The following ERBB4 variants were observed in gnomAD, a reference collection of about 807,000 sequenced individuals.
ERBB4 encodes the protein receptor tyrosine-protein kinase erbB-4.
A neutral mutation model predicts 158.0 loss-of-function variants in ERBB4; 42 were observed. The observed-to-expected ratio is 0.27, with a 90% confidence interval of 0.21 to 0.34. The LOEUF is 0.34. Ranked by LOEUF, ERBB4 falls within the 10% of genes least tolerant of loss-of-function variation. The pLI, the probability that ERBB4 is intolerant of heterozygous loss-of-function variation, is 1.00. For synonymous variants in ERBB4, 583 were observed against 558.7 expected, an observed-to-expected ratio of 1.04 and a Z score of -0.61; for missense variants, 1,333 against 1,624.1, an observed-to-expected ratio of 0.82 and a Z score of 3.08.
chr2:211,783,029 T>TGC (rs1363504943), intron 4 of ERBB4, among the ~76,000 whole-genome samples: 1 of 152,194 alleles, frequency 6.6e-6, no homozygotes, highest in Non-Finnish European at 1.5e-5. Flanking sequence ...TCCATTTGTG[T>TGC]CCTATTTTAT....
At chr2:212,498,731 CAT>C (rs1273417704) in intron 1 of ERBB4, among the ~76,000 whole-genome samples, 8 of 152,058 alleles carry the variant, frequency 5.3e-5, no homozygotes, top group African/African-American at 1.9e-4. Context: ...AGAAATGACT[CAT>C]AATCTTTACT....
chr2:212,475,715 TG>T (rs1248221861), intron 1 of ERBB4, among the ~76,000 whole-genome samples: 1 of 152,164 alleles, frequency 6.6e-6, no homozygotes, highest in Non-Finnish European at 1.5e-5. Context: ...AATAACATGA[TG>T]AAAAAATAAT....
intron 1 of ERBB4, among the ~76,000 whole-genome samples, chr2:212,307,938 G>A (rs552069268): frequency 1.2e-4 from 18 of 150,648 alleles, no homozygotes; most frequent in African/African-American, 3.2e-4. Context: ...CATGTTTAAC[G>A]GAATACTAGA....
rs564534962 is a variant in ERBB4, at chr2:211,634,248, C to T, written c.1947-3654G>A. On this transcript the variant is annotated intron_variant, in intron 16 of 27. Transcript: ENST00000342788. ...TTGTTCTCTTTTTCTTGAATGTTTA[C>T]TTTGCTTTTTTTTCAATTAAGATTT... is the stretch of plus-strand genomic sequence containing the variant. 1.4e-4 allele frequency among the ~76,000 whole-genome samples: 22 copies of T among 151,956 alleles called. No homozygotes were observed. In the South Asian group the frequency reaches 4.2e-3, roughly 29 times the overall value.
rs58905892 is a variant in ERBB4, at chr2:211,722,245, C to A, written c.883+148G>T. On this transcript the variant is annotated intron_variant, in intron 7 of 27. Transcript: ENST00000342788. Reference sequence around the variant, plus strand: ...TCACTTTAAAGTTTTGGTTTAGTTTCTTTATTTATAAAATGGGGGCAATAG... The same window carrying A: ...TCACTTTAAAGTTTTGGTTTAGTTTATTTATTTATAAAATGGGGGCAATAG... 38,988 of 664,346 alleles carry A rather than the reference C, an allele frequency of 0.059. 2,303 individuals are homozygous for A. Among genetic ancestry groups the A allele is most frequent in the African/African-American group, 0.25 (13,521 of 55,142 alleles). 41.2% of individuals were successfully genotyped at this position (664,346 alleles called of 1,614,324 possible).
chr2:211,972,589 G>GA (rs2081485413), intron 2 of ERBB4, among the ~76,000 whole-genome samples: 1 of 151,968 alleles, frequency 6.6e-6, no homozygotes, highest in Non-Finnish European at 1.5e-5. Flanking sequence ...AGAGAACCCA[G>GA]AAAAAAGACC....
chr2:211,536,547 G>A (rs1380165808), intron 20 of ERBB4, among the ~76,000 whole-genome samples: 2 of 151,970 alleles, frequency 1.3e-5, no homozygotes. Flanking sequence ...GAATGATTGG[G>A]CAGTGTGGGA....
At chr2:212,190,057 C>A (rs1290941955) in intron 1 of ERBB4, among the ~76,000 whole-genome samples, 1 of 152,114 alleles carries the variant, frequency 6.6e-6, no homozygotes, top group Non-Finnish European at 1.5e-5. Context: ...GGCATAGCTA[C>A]CTTCTAAGTG....
At chr2:211,917,852 C>T (rs1575374888) in intron 3 of ERBB4, among the ~76,000 whole-genome samples, 2 of 152,132 alleles carry the variant, frequency 1.3e-5, no homozygotes, top group Non-Finnish European at 2.9e-5. Context: ...TTTGATCTCA[C>T]CTGAGTTTTA....
intron 1 of ERBB4, among the ~76,000 whole-genome samples, chr2:212,416,628 A>G (rs2091660415): frequency 6.6e-6 from 1 of 152,228 alleles, no homozygotes. Context: ...TTTAACTCAT[A>G]TATATTAATT....
intron 1 of ERBB4, among the ~76,000 whole-genome samples, chr2:212,384,920 T>TACACAC (rs547762352): frequency 2.4e-5 from 3 of 123,774 alleles, no homozygotes; most frequent in African/African-American, 6.8e-5. Context: ...TATATATATA[T>TACACAC]ACACACACAC....
At chr2:212,208,053 A>G (rs1015819543) in intron 1 of ERBB4, among the ~76,000 whole-genome samples, 1 of 152,188 alleles carries the variant, frequency 6.6e-6, no homozygotes, top group African/African-American at 2.4e-5. Flanking sequence ...CAGCTACTGA[A>G]CAAAGACTTT....
At chr2:211,444,644 ACAT>A (rs754785757) in intron 20 of ERBB4, among the ~76,000 whole-genome samples, 163 of 152,222 alleles carry the variant, frequency 1.1e-3, no homozygotes, top group South Asian at 1.2e-3. Flanking sequence ...CTTATTGCAT[ACAT>A]AATATACACT....
intron 1 of ERBB4, among the ~76,000 whole-genome samples, chr2:212,362,564 A>G (rs963258511): frequency 6.6e-6 from 1 of 150,736 alleles, no homozygotes; most frequent in African/African-American, 2.4e-5. Flanking sequence ...ATGTGCTTAG[A>G]TGCTGATGGG....
rs1692499082 is a variant in ERBB4, at chr2:212,527,291, C to T, written c.82+11158G>A. The stretch of plus-strand genomic sequence containing the variant: ...GTACATTATTTCATCCAAAGATATA[C>T]CCAGGTACTTTACAGTGTGATTTTA... On this transcript the variant is annotated intron_variant, in intron 1 of 27. Transcript: ENST00000342788. 2.0e-5 allele frequency among the ~76,000 whole-genome samples: 3 copies of T among 151,976 alleles called. No individual in the cohort carries two copies. The South Asian group carries it at 6.2e-4, about 31-fold the overall frequency.
intron 14 of ERBB4, among the ~76,000 whole-genome samples, chr2:211,670,102 G>A (rs191072191): frequency 7.2e-5 from 11 of 152,270 alleles, no homozygotes; most frequent in African/African-American, 2.2e-4. Context: ...TCATCAAAAC[G>A]CCAGTCTAAT....
intron 2 of ERBB4, among the ~76,000 whole-genome samples, chr2:212,087,676 G>C (rs190863001): frequency 1.3e-5 from 2 of 152,142 alleles, no homozygotes; most frequent in East Asian, 3.9e-4. Flanking sequence ...CTCAGTCTTA[G>C]ATCCGTCTAG....
intron 4 of ERBB4, among the ~76,000 whole-genome samples, chr2:211,767,035 A>G (rs896686854): frequency 6.6e-6 from 1 of 152,202 alleles, no homozygotes; most frequent in Non-Finnish European, 1.5e-5. Context: ...CAAGTAACCA[A>G]TGGGAAACCT....
intron 3 of ERBB4, among the ~76,000 whole-genome samples, chr2:211,843,727 T>C (rs2077528228): frequency 7.0e-6 from 1 of 143,424 alleles, no homozygotes; most frequent in South Asian, 2.4e-4. Context: ...TGAGCTTTCA[T>C]TGTTTTAACT....
Sources: allele counts gnomAD v4.1 joint callset (sites outside exome capture counted in the v4.1 genomes callset), GRCh38; gene constraint gnomAD v4.1.1; transcripts MANE v1.5; gene names NCBI Gene and HGNC (gene_info 2026-07-23, HGNC 2026-07-21).